The following NEXMIF variants were observed in gnomAD, a reference collection of about 807,000 sequenced individuals.
NEXMIF encodes the protein neurite extension and migration factor.
Under a neutral mutation model 62.1 loss-of-function variants are expected in NEXMIF, and 8 were observed. The observed-to-expected ratio is 0.13, with a 90% CI of 0.08 to 0.23. The LOEUF is 0.23. NEXMIF is among the 10% of genes least tolerant of loss of function. The probability of loss-of-function intolerance (pLI) is 1.00; values close to 1 mark genes in which losing one functional copy is unlikely to be tolerated. For missense variants in NEXMIF, 976 were observed against 1,113.3 expected, an observed-to-expected ratio of 0.88 and a Z score of 1.75; for synonymous variants, 404 against 416.6, an observed-to-expected ratio of 0.97 and a Z score of 0.37.
At chrX:74,867,953 G>A (rs760619658) in intron 1 of NEXMIF, among the ~76,000 whole-genome samples, 2 of 111,108 alleles carry the variant, frequency 1.8e-5, no homozygotes, top group Admixed American at 9.6e-5. Flanking sequence ...AGAAAATCCC[G>A]TTAAAAAGTG....
chrX:74,747,564 C>A (rs750875281), intron 1 of NEXMIF, among the ~76,000 whole-genome samples: 6 of 111,247 alleles, frequency 5.4e-5, no homozygotes. Context: ...CACAGATAAG[C>A]ATCTGTTATC....
At chrX:74,753,294 C>T (rs1448581142) in intron 1 of NEXMIF, among the ~76,000 whole-genome samples, 5 of 111,820 alleles carry the variant, frequency 4.5e-5, no homozygotes, top group South Asian at 3.7e-4. Context: ...ATAGTCTCAT[C>T]CCAAACTCCC....
chrX:74,777,743 T>A (rs1602224338), intron 1 of NEXMIF, among the ~76,000 whole-genome samples: 1 of 111,930 alleles, frequency 8.9e-6, no homozygotes, highest in Non-Finnish European at 1.9e-5. Context: ...ATGGACTCCC[T>A]GTGGCTAAAA....
At chrX:74,789,420 T>A (rs1264620935) in intron 1 of NEXMIF, among the ~76,000 whole-genome samples, 1 of 109,044 alleles carries the variant, frequency 9.2e-6, no homozygotes, top group Non-Finnish European at 1.9e-5. Flanking sequence ...TTGTGAATAA[T>A]GCTGCAATAA....
chrX:74,911,471 G>T (rs1329075632), intron 1 of NEXMIF, among the ~76,000 whole-genome samples: 2 of 111,722 alleles, frequency 1.8e-5, no homozygotes, highest in African/African-American at 6.5e-5. Context: ...TTGGGATTTT[G>T]CTCCCATGAT....
chrX:74,829,992 C>T (rs745345352), intron 1 of NEXMIF, among the ~76,000 whole-genome samples: 2 of 111,107 alleles, frequency 1.8e-5, no homozygotes, highest in South Asian at 3.8e-4. Context: ...TTTCCTAATC[C>T]GTGAGTTGTC....
chrX:74,886,863 C>G (rs1412468024), intron 1 of NEXMIF, among the ~76,000 whole-genome samples: 2 of 104,872 alleles, frequency 1.9e-5, no homozygotes, highest in Non-Finnish European at 3.8e-5. Flanking sequence ...GCCAAAAGAA[C>G]AAAGCTGGAG....
Position 74,743,778 on chromosome X carries a change from T to C in NEXMIF, c.779A>G (p.Tyr260Cys). The C allele has an allele frequency of 1.7e-6, 2 of 1,211,371 alleles. No individual in the cohort carries two copies. Among genetic ancestry groups the C allele is most frequent in the East Asian group, 5.9e-5 (2 of 33,830 alleles). ...LLANSNQDWG[Y>C]FETFISESKI... is the part of the protein sequence containing the mutation. Reference sequence around the variant, plus strand: ...ACTTTCACTAATAAAAGTCTCGAAGTAACCCCAATCCTGATTGGAATTTGC... The same window carrying C: ...ACTTTCACTAATAAAAGTCTCGAAGCAACCCCAATCCTGATTGGAATTTGC... The change falls in exon 3 of 4, where the codon TAC becomes TGC. Residue 260 changes from tyrosine to cysteine, a missense_variant. By Grantham distance (194) the Tyr-to-Cys change is radical. Coordinates refer to ENST00000055682, the MANE Select transcript of NEXMIF (RefSeq NM_001008537.3).
At chrX:74,875,719 T>A (rs1281137488) in intron 1 of NEXMIF, among the ~76,000 whole-genome samples, 1 of 112,125 alleles carries the variant, frequency 8.9e-6, no homozygotes, top group Non-Finnish European at 1.9e-5. Flanking sequence ...TGGTTTAGTC[T>A]TGGGAGAGTG....
chrX:74,801,512 C>G (rs1341185573), intron 1 of NEXMIF, among the ~76,000 whole-genome samples: 5 of 111,615 alleles, frequency 4.5e-5, no homozygotes, highest in Admixed American at 9.5e-5. Flanking sequence ...AAAGGAAGAA[C>G]CCAGTCCTGG....
At chrX:74,820,777 AAACCAAATACCACATATTCT>A (rs1357175818) in intron 1 of NEXMIF, among the ~76,000 whole-genome samples, 1 of 111,921 alleles carries the variant, frequency 8.9e-6, no homozygotes, top group Non-Finnish European at 1.9e-5. Flanking sequence ...TCCTAATGCA[AAACCAAATACCACATATTCT>A]CACTTACAAG....
chrX:74,837,759 G>A (rs964326949), intron 1 of NEXMIF, among the ~76,000 whole-genome samples: 3 of 111,650 alleles, frequency 2.7e-5, no homozygotes, highest in African/African-American at 9.8e-5. Flanking sequence ...AAAATGAAAG[G>A]GTCAGGCTAT....
chrX:74,825,396 A>T (rs1051177649), intron 1 of NEXMIF, among the ~76,000 whole-genome samples: 2 of 106,931 alleles, frequency 1.9e-5, no homozygotes, highest in Non-Finnish European at 3.9e-5. Flanking sequence ...ACCCCCCACC[A>T]TCTGGAAGTC....
intron 1 of NEXMIF, among the ~76,000 whole-genome samples, chrX:74,760,023 C>G (rs913387224): frequency 2.7e-5 from 3 of 112,217 alleles, no homozygotes; most frequent in African/African-American, 9.7e-5. Context: ...TATCCATGAG[C>G]ATGGACTATT....
rs146265995 is a variant in NEXMIF, at chrX:74,743,868, G to A, written c.689C>T (p.Pro230Leu). ...TEKPDIDLED[P>L]AQKSYYEALL... is the part of the protein sequence containing the mutation. ...TGCCTCATAATAGCTTTTCTGAGCC[G>A]GATCCTCCAAGTCAATGTCAGGTTT... Residue 230 changes from proline to leucine, a missense_variant, in exon 3 of 4, where the codon CCG (proline) becomes CTG (leucine). Transcript: ENST00000055682. The A allele has an allele frequency of 4.1e-6, 5 of 1,209,391 alleles. 1 individual carries two copies. The highest frequency in any genetic ancestry group is 3.5e-5 in the South Asian group (2 of 56,694).
At chrX:74,834,276 T>G (rs898348229) in intron 1 of NEXMIF, among the ~76,000 whole-genome samples, 2 of 111,860 alleles carry the variant, frequency 1.8e-5, no homozygotes, top group Admixed American at 1.9e-4. Flanking sequence ...GTTGTTGTAG[T>G]GTAGATATTA....
chrX:74,824,946 C>T (rs2080409964), intron 1 of NEXMIF, among the ~76,000 whole-genome samples: 1 of 111,284 alleles, frequency 9.0e-6, no homozygotes, highest in Non-Finnish European at 1.9e-5. Context: ...CCGAGCCCGG[C>T]CTAGTTTTTT....
intron 1 of NEXMIF, among the ~76,000 whole-genome samples, chrX:74,846,680 G>T (rs2080492799): frequency 8.9e-6 from 1 of 112,023 alleles, no homozygotes; most frequent in Non-Finnish European, 1.9e-5. Context: ...AGAAGATAGA[G>T]TTTGAAGGAA....
intron 1 of NEXMIF, among the ~76,000 whole-genome samples, chrX:74,782,608 C>G (rs1041057903): frequency 2.7e-5 from 3 of 111,733 alleles, no homozygotes; most frequent in African/African-American, 9.8e-5. Flanking sequence ...ATTCTTGCTG[C>G]CCTGGTTCTT....
Sources: gnomAD v4.1 joint callset for allele counts (sites outside exome capture counted in the v4.1 genomes callset) on GRCh38, gnomAD v4.1.1 for gene constraint, MANE v1.5 for transcripts, NCBI Gene and HGNC (gene_info 2026-07-23, HGNC 2026-07-21) for gene names.